The following PCLO variants were observed in gnomAD, a reference collection of about 807,000 sequenced individuals.
The protein encoded by PCLO is protein piccolo.
PCLO carries 82 observed loss-of-function variants against 427.5 expected under a neutral mutation model. The observed-to-expected ratio is 0.19, with a 90% confidence interval of 0.16 to 0.23. PCLO has a LOEUF of 0.23. PCLO is among the 10% of genes least tolerant of loss of function. PCLO has a pLI of 1.00. For missense variants in PCLO, 6,239 were observed against 6,115.9 expected (o/e 1.02, Z -0.67); for synonymous variants, 2,357 against 2,155.4 (o/e 1.09, Z -2.59).
chr7:83,103,478 T>C (rs1416535884), intron 3 of PCLO, among the ~76,000 whole-genome samples: 1 of 151,870 alleles, frequency 6.6e-6, no homozygotes, highest in Non-Finnish European at 1.5e-5. Context: ...TTCTCTTCTA[T>C]TACAGGAAGA....
intron 1 of PCLO, among the ~76,000 whole-genome samples, chr7:83,158,971 T>C (rs1792369331): frequency 6.6e-6 from 1 of 152,048 alleles, no homozygotes; most frequent in Non-Finnish European, 1.5e-5. Flanking sequence ...ACAGTTTTAC[T>C]GTTAAAAAGA....
At chr7:83,022,149 T>C (rs1448892396) in intron 3 of PCLO, among the ~76,000 whole-genome samples, 14 of 152,170 alleles carry the variant, frequency 9.2e-5, no homozygotes, top group Admixed American at 9.2e-4. Flanking sequence ...GAAAGAGGCC[T>C]GAAGGAGCTT....
intron 3 of PCLO, among the ~76,000 whole-genome samples, chr7:83,105,746 T>C (rs953667229): frequency 2.0e-5 from 3 of 152,188 alleles, no homozygotes; most frequent in Non-Finnish European, 4.4e-5. Context: ...AGGAGTACTA[T>C]GAAAAAATTA....
chr7:83,143,876 A>G (rs1012007496), intron 2 of PCLO, among the ~76,000 whole-genome samples: 36 of 152,306 alleles, frequency 2.4e-4, no homozygotes, highest in African/African-American at 8.7e-4. Flanking sequence ...GATATACCAC[A>G]AAATATTGCA....
chr7:83,141,706 T>C (rs763422138), intron 2 of PCLO, among the ~76,000 whole-genome samples: 1 of 152,206 alleles, frequency 6.6e-6, no homozygotes, highest in Non-Finnish European at 1.5e-5. Context: ...TAATACAAGT[T>C]CATTGGCTAA....
intron 3 of PCLO, among the ~76,000 whole-genome samples, chr7:82,969,956 A>T (rs991124485): frequency 1.3e-5 from 2 of 152,108 alleles, no homozygotes; most frequent in South Asian, 2.1e-4. Flanking sequence ...TCTTGTCACT[A>T]TTTGACATAA....
In PCLO at chr7:82,951,308, C is replaced by T; in HGVS notation, c.9280G>A (p.Ala3094Thr). 1 of 1,612,706 alleles carries T rather than the reference C, an allele frequency of 6.2e-7. No homozygotes were observed. The highest frequency in any genetic ancestry group is 8.5e-7 in the Non-Finnish European group (1 of 1,179,338). The change falls in exon 6 of 25, where the codon GCA becomes ACA. Residue 3094 changes from alanine (A) to threonine (T), a missense_variant. Transcript: ENST00000333891. ...SSNGVVYSSV[A>T]TPTPSTFAIT... ...GCAAATGTAGAGGGTGTTGGAGTTG[C>T]TACTGAAGAATAGACAACACCATTA...
intron 3 of PCLO, among the ~76,000 whole-genome samples, chr7:83,027,498 T>TA (rs1235497547): frequency 7.9e-5 from 12 of 151,972 alleles, no homozygotes; most frequent in African/African-American, 2.9e-4. Flanking sequence ...CAGGACCAGA[T>TA]AGATTCACAG....
In PCLO at chr7:82,840,584, A is replaced by G. The variant is rs544916244; in HGVS notation, c.14097+875T>C. On this transcript the variant is annotated intron_variant, in intron 14 of 24. Transcript: ENST00000333891. Reference sequence around the variant, plus strand: ...ACTTCTCGAAGCTGATTCTTCAACCATTACTCTCGGACAACAATACCTTTA... The same window carrying G: ...ACTTCTCGAAGCTGATTCTTCAACCGTTACTCTCGGACAACAATACCTTTA... Among the ~76,000 whole-genome samples, 38 of 152,138 alleles carry G rather than the reference A, an allele frequency of 2.5e-4. No homozygotes were observed. In the South Asian group the frequency reaches 7.9e-3, roughly 32 times the overall value.
intron 3 of PCLO, among the ~76,000 whole-genome samples, chr7:82,981,179 C>T (rs940686932): frequency 2.6e-5 from 4 of 151,232 alleles, no homozygotes; most frequent in Admixed American, 1.3e-4. Context: ...GAACATACTT[C>T]GTAACTATAG....
intron 3 of PCLO, among the ~76,000 whole-genome samples, chr7:83,034,480 G>A (rs768064021): frequency 5.3e-5 from 8 of 152,100 alleles, no homozygotes; most frequent in Admixed American, 1.3e-4. Context: ...AAGCCATCAC[G>A]CCTGGTCCCA....
intron 10 of PCLO, among the ~76,000 whole-genome samples, chr7:82,859,760 G>A (rs1347314999): frequency 6.6e-6 from 1 of 152,074 alleles, no homozygotes. Flanking sequence ...GAGAAACAAA[G>A]ATATGTGACC....
chr7:82,945,018 T>G (rs949851935), intron 6 of PCLO, among the ~76,000 whole-genome samples: 4 of 152,166 alleles, frequency 2.6e-5, no homozygotes, highest in African/African-American at 9.7e-5. Context: ...TTCCTGTGCT[T>G]TTGCTAAATC....
chr7:82,871,058 C>CA (rs1367779838), intron 10 of PCLO, among the ~76,000 whole-genome samples: 1 of 151,842 alleles, frequency 6.6e-6, no homozygotes, highest in Non-Finnish European at 1.5e-5. Flanking sequence ...GGAGATTCCT[C>CA]AAAAAACCAA....
chr7:82,801,848 G>A (rs1791360633), intron 21 of PCLO, among the ~76,000 whole-genome samples: 1 of 151,952 alleles, frequency 6.6e-6, no homozygotes, highest in South Asian at 2.1e-4. Flanking sequence ...TCAACATTCA[G>A]TAGTTTTTAT....
Position 83,112,363 on chromosome 7 carries a change from A to AT in PCLO, c.3300+21886dup, listed in dbSNP as rs1791026534. ...GAGCCACTGCGCCTGGCCTGATTGT[A>AT]TTTTTTTAAGAACGGGAATAAACTA... On this transcript the variant is annotated intron_variant, in intron 3 of 24. Transcript: ENST00000333891. Among the ~76,000 whole-genome samples the AT allele has an allele frequency of 3.9e-5, 6 of 152,142 alleles. No individual in the cohort carries two copies. The South Asian group carries it at 1.2e-3, about 31-fold the overall frequency.
chr7:83,086,977 C>T (rs1421076389), intron 3 of PCLO, among the ~76,000 whole-genome samples: 1 of 146,928 alleles, frequency 6.8e-6, no homozygotes, highest in Non-Finnish European at 1.5e-5. Flanking sequence ...GACAAAAAAC[C>T]AAACACCGCA....
intron 2 of PCLO, among the ~76,000 whole-genome samples, chr7:83,141,373 T>A (rs895685209): frequency 1.3e-5 from 2 of 152,206 alleles, no homozygotes. Flanking sequence ...GCTTTCCCTA[T>A]CTATAGCCTT....
intron 2 of PCLO, among the ~76,000 whole-genome samples, chr7:83,143,642 CA>C (rs36020139): frequency 0.24 from 25,227 of 103,180 alleles, 2,200 homozygotes; most frequent in African/African-American, 0.35. Context: ...CAGGATTGCC[CA>C]AAAAAAAAAA....
Sources: allele counts gnomAD v4.1 joint callset (sites outside exome capture counted in the v4.1 genomes callset), GRCh38; gene constraint gnomAD v4.1.1; transcripts MANE v1.5; gene names NCBI Gene and HGNC (gene_info 2026-07-23, HGNC 2026-07-21).